The following DIAPH2 variants were observed in gnomAD, a reference collection of about 807,000 sequenced individuals.
DIAPH2 encodes the protein diaphanous related formin 2.
Under a neutral mutation model 92.7 loss-of-function variants are expected in DIAPH2, and 35 were observed. The observed-to-expected ratio is 0.38, with a 90% confidence interval of 0.29 to 0.50. The LOEUF (loss-of-function observed/expected upper bound fraction) is 0.50, where lower values mean the gene tolerates loss of function less well. DIAPH2 is among the 20% of genes least tolerant of loss of function. The pLI is 0.94. For missense variants in DIAPH2, 701 were observed against 819.5 expected, an observed-to-expected ratio of 0.86 and a Z score of 1.77; for synonymous variants, 301 against 280.4, an observed-to-expected ratio of 1.07 and a Z score of -0.73.
At chrX:97,555,955 C>G (rs1036884453) in intron 26 of DIAPH2, among the ~76,000 whole-genome samples, 2 of 111,931 alleles carry the variant, frequency 1.8e-5, no homozygotes, top group Non-Finnish European at 3.8e-5. Flanking sequence ...GGGGAACATT[C>G]TCATGAGGAC....
At chrX:97,009,201 A>G (rs781094886) in intron 17 of DIAPH2, among the ~76,000 whole-genome samples, 2 of 110,812 alleles carry the variant, frequency 1.8e-5, no homozygotes, top group Non-Finnish European at 3.8e-5. Context: ...CCGTGTGGCC[A>G]TCACCACCCC....
At chrX:97,038,027 A>G (rs2066422697) in intron 17 of DIAPH2, among the ~76,000 whole-genome samples, 1 of 110,882 alleles carries the variant, frequency 9.0e-6, no homozygotes, top group Non-Finnish European at 1.9e-5. Context: ...CCCCCTTCTG[A>G]GTCTCCAGTG....
At position 96,918,531 on chromosome X, in the gene DIAPH2, A is replaced by G. The variant is rs1252689412; in HGVS notation, c.892A>G (p.Ile298Val). The G allele has an allele frequency of 2.5e-6, 3 of 1,201,642 alleles. No homozygotes were observed. The highest frequency in any genetic ancestry group is 3.4e-6 in the Non-Finnish European group (3 of 890,262). ...CAGTCTAGATAAACTTTTAGGGGCT[A>G]TAACAACAGCAGCAGAAAGAAATAA... ...ENILDKLLGA[I>V]TTAAERNNRE... The change falls in exon 9 of 27, where the codon ATA (isoleucine) becomes GTA (valine). Residue 298 changes from isoleucine to valine, a missense_variant. By Grantham distance (29) the Ile-to-Val change is conservative. Around this residue, in one of 3 missense-constraint regions of DIAPH2, gnomAD observed 536 missense variants for 599.3 expected, o/e 0.89. Transcript: ENST00000324765.
intron 23 of DIAPH2, among the ~76,000 whole-genome samples, chrX:97,297,751 T>C (rs770427174): frequency 9.0e-6 from 1 of 110,499 alleles, no homozygotes; most frequent in Non-Finnish European, 1.9e-5. Flanking sequence ...ATTACTATTA[T>C]GACTATTTTG....
At chrX:97,312,974 C>T (rs772849542) in intron 23 of DIAPH2, among the ~76,000 whole-genome samples, 8 of 109,576 alleles carry the variant, frequency 7.3e-5, no homozygotes, top group Non-Finnish European at 3.8e-5. Context: ...GTCAGGAGAT[C>T]GAGACCATCC....
intron 26 of DIAPH2, among the ~76,000 whole-genome samples, chrX:97,467,350 G>T (rs1281616839): frequency 8.9e-6 from 1 of 112,059 alleles, no homozygotes; most frequent in Admixed American, 9.5e-5. Context: ...TCAAAGATTT[G>T]AAATAAATGC....
intron 23 of DIAPH2, among the ~76,000 whole-genome samples, chrX:97,318,635 G>A (rs762536828): frequency 2.8e-5 from 3 of 106,836 alleles, no homozygotes; most frequent in African/African-American, 6.8e-5. Context: ...ACAGGCACCC[G>A]CCACCATGCC....
intron 17 of DIAPH2, among the ~76,000 whole-genome samples, chrX:97,002,978 ACTAT>A (rs2066154881): frequency 9.0e-6 from 1 of 111,615 alleles, no homozygotes; most frequent in Non-Finnish European, 1.9e-5. Flanking sequence ...CCATCGTTCT[ACTAT>A]CTATCTCCAT....
intron 25 of DIAPH2, among the ~76,000 whole-genome samples, chrX:97,414,508 G>C (rs1411839385): frequency 9.1e-6 from 1 of 109,569 alleles, no homozygotes; most frequent in East Asian, 2.9e-4. Flanking sequence ...AAATTAGCCG[G>C]GCATGGTGGT....
rs149759473 is a variant in DIAPH2 at position 97,114,857 on chromosome X, T to G, written c.2481T>G (p.Ser827Arg). The G allele has an allele frequency of 1.7e-6, 2 of 1,211,151 alleles. No individual in the cohort carries two copies. The highest frequency in any genetic ancestry group is 2.2e-6 in the Non-Finnish European group (2 of 895,130). The change falls in exon 21 of 27, where the codon AGT becomes AGG. Residue 827 changes from serine (S) to arginine (R), a missense_variant. Coordinates refer to ENST00000324765, the MANE Select transcript of DIAPH2 (RefSeq NM_006729.5). ...TTGCCTGTGAAGAACTGAAGAAAAG[T>G]GAAAGCTTTAACAGACTTTTAGAGT... ...VTLACEELKK[S>R]ESFNRLLELV... is the part of the protein sequence containing the mutation.
At chrX:97,428,289 G>T (rs979544560) in intron 25 of DIAPH2, among the ~76,000 whole-genome samples, 1 of 111,445 alleles carries the variant, frequency 9.0e-6, no homozygotes, top group Non-Finnish European at 1.9e-5. Flanking sequence ...CAGTACTTTG[G>T]GAGGCCGAGG....
intron 24 of DIAPH2, among the ~76,000 whole-genome samples, chrX:97,352,783 T>C (rs1271339699): frequency 1.0e-5 from 1 of 99,129 alleles, no homozygotes; most frequent in South Asian, 4.8e-4. Flanking sequence ...GGCAGGAGAA[T>C]GGTGTGAACC....
chrX:96,869,778 A>G (rs1262626902), intron 4 of DIAPH2, among the ~76,000 whole-genome samples: 1 of 110,685 alleles, frequency 9.0e-6, no homozygotes, highest in Non-Finnish European at 1.9e-5. Flanking sequence ...GGCACCAAAC[A>G]TTAGTTAAGT....
intron 22 of DIAPH2, among the ~76,000 whole-genome samples, chrX:97,245,652 A>T (rs149826289): frequency 0.012 from 1,354 of 110,573 alleles, 19 homozygotes; most frequent in African/African-American, 0.043. Context: ...AGTCCAAGCA[A>T]TCCATCCACT....
intron 16 of DIAPH2, among the ~76,000 whole-genome samples, chrX:96,959,420 GTCT>G (rs889124435): frequency 2.7e-5 from 3 of 111,477 alleles, no homozygotes; most frequent in Non-Finnish European, 3.8e-5. Flanking sequence ...CCATTTGTTT[GTCT>G]TCTTTTGAGA....
At chrX:97,413,508 C>G (rs879078583) in intron 25 of DIAPH2, among the ~76,000 whole-genome samples, 1 of 111,179 alleles carries the variant, frequency 9.0e-6, no homozygotes, top group Non-Finnish European at 1.9e-5. Context: ...CAGGGATGCC[C>G]TCTCTCACCA....
At chrX:97,198,713 C>CT (rs200152518) in intron 22 of DIAPH2, among the ~76,000 whole-genome samples, 514 of 111,161 alleles carry the variant, frequency 4.6e-3, no homozygotes, top group Non-Finnish European at 7.1e-3. Flanking sequence ...ACAGTGCTGA[C>CT]TATAGACAAG....
intron 26 of DIAPH2, among the ~76,000 whole-genome samples, chrX:97,587,652 T>C (rs987149394): frequency 4.5e-5 from 5 of 111,850 alleles, no homozygotes; most frequent in African/African-American, 1.6e-4. Context: ...GCATCTAATC[T>C]CATTGTCCCA....
At chrX:97,065,755 G>A (rs1300932574) in intron 17 of DIAPH2, among the ~76,000 whole-genome samples, 2 of 111,139 alleles carry the variant, frequency 1.8e-5, no homozygotes, top group African/African-American at 6.6e-5. Context: ...TATCATAGGA[G>A]GTGACAGCTC....
Sources: allele counts gnomAD v4.1 joint callset (sites outside exome capture counted in the v4.1 genomes callset), GRCh38; gene constraint gnomAD v4.1.1; regional missense constraint gnomAD v4.1.1; transcripts MANE v1.5; gene names NCBI Gene and HGNC (gene_info 2026-07-23, HGNC 2026-07-21).